SMG1: variants seen among roughly 807,000 people sequenced by gnomAD.
The protein encoded by SMG1 is SMG1 nonsense mediated mRNA decay associated PI3K related kinase.
SMG1 carries 22 observed loss-of-function variants against 419.9 expected under a neutral mutation model. The ratio of observed to expected loss-of-function variants is 0.05; its 90% CI spans 0.04 to 0.07. The LOEUF (loss-of-function observed/expected upper bound fraction) is 0.07, where lower values mean the gene tolerates loss of function less well. Ranked by LOEUF, SMG1 falls within the 10% of genes least tolerant of loss-of-function variation. SMG1 has a pLI of 1.00. For synonymous variants in SMG1, 1,538 were observed against 1,553.5 expected (o/e 0.99, Z 0.23); for missense variants, 3,185 against 4,342.0 (o/e 0.73, Z 7.49).
At chr16:18,819,719 T>C (rs1006123041) in intron 55 of SMG1, 65 bp from the exon 56 acceptor site, 3 of 1,415,544 alleles carry the variant, frequency 2.1e-6, no homozygotes, top group Non-Finnish European at 1.9e-6. Flanking sequence ...TTGTGGAGTA[T>C]TTTATATAAC....
chr16:18,848,123 C>T (rs1350877993), intron 36 of SMG1, 90 bp from the exon 37 acceptor site: 5 of 1,056,338 alleles, frequency 4.7e-6, no homozygotes, highest in Non-Finnish European at 7.0e-6. Context: ...ATCTATTTGA[C>T]TCAAGAGCAC....
At chr16:18,817,165 G>A (rs891108438) in intron 57 of SMG1, 126 bp downstream of exon 57, 15 of 389,464 alleles carry the variant, frequency 3.9e-5, no homozygotes, top group Non-Finnish European at 5.2e-5. Flanking sequence ...CTGTCCCCCC[G>A]CCCCCCTAAC....
At chr16:18,863,086 T>C (rs1012829598) in intron 25 of SMG1, among the ~76,000 whole-genome samples, 1 of 152,244 alleles carries the variant, frequency 6.6e-6, no homozygotes, top group Non-Finnish European at 1.5e-5. Context: ...TGGGTCATAG[T>C]ACATGCTCAG....
At chr16:18,900,765 T>C (rs974179193) in intron 1 of SMG1, among the ~76,000 whole-genome samples, 12 of 152,184 alleles carry the variant, frequency 7.9e-5, no homozygotes, top group African/African-American at 2.7e-4. Flanking sequence ...GTAGCAAAGA[T>C]AGTCTCACTG....
rs563709492 is a variant in SMG1, at chr16:18,866,243, C to T, written c.3350+378G>A. 26 of 260,232 alleles carry T rather than the reference C, an allele frequency of 1.0e-4. No homozygotes were observed. In the East Asian group the frequency reaches 1.6e-3, roughly 16 times the overall value. 16.1% of individuals were successfully genotyped at this position (260,232 alleles called of 1,614,324 possible). On this transcript the variant is annotated intron_variant, in intron 23 of 62. Transcript: ENST00000446231. ...GAATATTATGGTACAAGCTCCTCTA[C>T]CTGGAGGAAGCAATGAGTCTGAATG... is the stretch of plus-strand genomic sequence containing the variant.
rs1413507287 is a variant in SMG1, at chr16:18,849,067, CTCAAAAAA to C, written c.5623+142_5623+149del. Reference sequence around the variant, plus strand: ...CCTGGGTGACAGAGTGAGACTCCATCTCAAAAAAAAAAAAAAAAAAAAAAAAAAAAAAA... The same window carrying C: ...CCTGGGTGACAGAGTGAGACTCCATCAAAAAAAAAAAAAAAAAAAAAAAAA... On this transcript the variant is annotated intron_variant, in intron 36 of 62. Coordinates refer to ENST00000446231, the MANE Select transcript of SMG1 (RefSeq NM_015092.5). 3 of 261,270 alleles carry C rather than the reference CTCAAAAAA, an allele frequency of 1.1e-5. No homozygotes were observed. In the African/African-American group the frequency reaches 2.2e-4, roughly 19 times the overall value. 16.2% of individuals were successfully genotyped at this position (261,270 alleles called of 1,614,324 possible).
intron 1 of SMG1, among the ~76,000 whole-genome samples, chr16:18,912,890 T>C (rs2037844824): frequency 6.6e-6 from 1 of 152,138 alleles, no homozygotes; most frequent in Admixed American, 6.5e-5. Flanking sequence ...GTCCCAGTGC[T>C]GGAAAACCTA....
Position 18,806,410 on chromosome 16 carries a change from C to T in SMG1, c.*3159G>A, listed in dbSNP as rs147547672. 6.5e-6 allele frequency: 1 copy of T among 152,718 alleles called. No homozygotes were observed. The allele number at this position is 152,718 out of a possible 1,614,324, so 9.5% of individuals were successfully genotyped here. ...TCAAGAGCCTGATTATCAGTTCTCA[C>T]ATGGAAATCTCAACAGATTTCAAAA... On this transcript the variant is annotated 3_prime_UTR_variant, in exon 63 of 63. Coordinates refer to ENST00000446231, the MANE Select transcript of SMG1 (RefSeq NM_015092.5).
At chr16:18,841,535 C>T in intron 41 of SMG1, 30 bp downstream of exon 41, 1 of 1,576,420 alleles carries the variant, frequency 6.3e-7, no homozygotes, top group Non-Finnish European at 8.7e-7. Context: ...AGAGAATAGA[C>T]TAATACACTG....
rs1446569823 is a variant in SMG1 at position 18,877,131 on chromosome 16, C to T, written c.1620G>A (p.Glu540=). The T allele has an allele frequency of 6.5e-7, 1 of 1,538,508 alleles. No individual in the cohort carries two copies. Among genetic ancestry groups the T allele is most frequent in the Admixed American group, 1.9e-5 (1 of 53,164 alleles). Residue 540 remains glutamate (E), a splice_region_variant and synonymous_variant, in exon 12 of 63, where the codon GAG becomes GAA. Transcript: ENST00000446231. ...LLFLRYHKEK[E]VVAVAHAVYQ... is the part of the protein sequence containing the mutation. ...AATTCATTATCAATGTATTACTTAC[C>T]TCTTTTTCTTTATGATAACGCAAGA...
intron 32 of SMG1, 38 bp from the exon 33 acceptor site, chr16:18,852,243 C>A (rs750879808): frequency 6.2e-7 from 1 of 1,606,228 alleles, no homozygotes; most frequent in African/African-American, 1.3e-5. Context: ...TTCAGCTACC[C>A]AAACTTTACC....
In SMG1 at chr16:18,841,547, G is replaced by A; in HGVS notation, c.6696+18C>T. On this transcript the variant is annotated intron_variant, in intron 41 of 62. Coordinates refer to ENST00000446231, the MANE Select transcript of SMG1 (RefSeq NM_015092.5). ...AACAGAGAATAGACTAATACACTGTGTAGATGATTTAATCAACCTTTTGTG... is the reference window on the plus strand; with the variant it reads ...AACAGAGAATAGACTAATACACTGTATAGATGATTTAATCAACCTTTTGTG... The A allele has an allele frequency of 3.1e-6, 5 of 1,602,682 alleles. No homozygotes were observed. Among genetic ancestry groups the A allele is most frequent in the Non-Finnish European group, 4.3e-6 (5 of 1,169,708 alleles).
intron 1 of SMG1, among the ~76,000 whole-genome samples, chr16:18,924,221 G>A (rs945430690): frequency 1.3e-5 from 2 of 152,166 alleles, no homozygotes; most frequent in African/African-American, 4.8e-5. Context: ...AAACAACATG[G>A]ATAATATTTA....
intron 10 of SMG1, among the ~76,000 whole-genome samples, chr16:18,881,707 ATTTG>A (rs965292388): frequency 7.2e-5 from 11 of 152,170 alleles, no homozygotes; most frequent in African/African-American, 1.4e-4. Flanking sequence ...CTCATTTTTA[ATTTG>A]TTTATGTTCT....
rs775017628 is a variant in SMG1, at chr16:18,892,265, T to C, written c.502A>G (p.Thr168Ala). ...REDDRDRRLATVKQLKEFIQQ... is the reference protein window; with the variant it reads ...REDDRDRRLAAVKQLKEFIQQ... ...ATAAATTCTTTCAACTGCTTTACAG[T>C]AGCCAATCTTCGGTCTCTGTCGTCT... Residue 168 changes from threonine to alanine, a missense_variant, in exon 4 of 63, where the codon ACT becomes GCT. This residue lies in a region of SMG1 where 20 missense variants were observed against 54.7 expected (regional missense o/e 0.37). Coordinates refer to ENST00000446231, the MANE Select transcript of SMG1 (RefSeq NM_015092.5). 39 of 1,551,202 alleles carry C rather than the reference T, an allele frequency of 2.5e-5. No homozygotes were observed. In the Middle Eastern group the frequency reaches 6.8e-4, roughly 27 times the overall value.
Position 18,863,802 on chromosome 16 carries a change from C to T in SMG1, c.3543G>A (p.Glu1181=), listed in dbSNP as rs2035337589. The stretch of plus-strand genomic sequence containing the variant: ...CTTTATTTCCTAAATAATTTATAAC[C>T]TCAGGGGAAGAGTCAGTCGGTTTGG... The part of the protein sequence containing the change: ...VLSKPTDSSP[E]VINYLGNKAC... The change falls in exon 25 of 63, where the codon GAG becomes GAA. Residue 1181 remains glutamate (E), a synonymous_variant. Transcript: ENST00000446231. 4.4e-6 allele frequency: 7 copies of T among 1,590,096 alleles called. No individual in the cohort carries two copies. In the Admixed American group the frequency reaches 8.4e-5, roughly 19 times the overall value.
At chr16:18,885,309 C>A in intron 7 of SMG1, 147 bp from the exon 8 acceptor site, 1 of 641,642 alleles carries the variant, frequency 1.6e-6, no homozygotes. Context: ...GGGAGAGGGG[C>A]AGGAAAATAA....
chr16:18,892,044 G>T (rs983313162), intron 4 of SMG1, among the ~76,000 whole-genome samples, 174 bp downstream of exon 4: 1 of 152,182 alleles, frequency 6.6e-6, no homozygotes, highest in South Asian at 2.1e-4. Flanking sequence ...TCCAGCCTGG[G>T]CGACAGAGCA....
intron 6 of SMG1, 134 bp from the exon 7 acceptor site, chr16:18,885,800 TAA>T (rs765730977): frequency 3.8e-3 from 2,379 of 622,296 alleles, no homozygotes; most frequent in East Asian, 5.3e-3. Context: ...TAGTTTTAGT[TAA>T]AAAAAAAAAA....
Sources: allele counts gnomAD v4.1 joint callset (sites outside exome capture counted in the v4.1 genomes callset), GRCh38; gene constraint gnomAD v4.1.1; regional missense constraint gnomAD v4.1.1; transcripts MANE v1.5; gene names NCBI Gene and HGNC (gene_info 2026-07-23, HGNC 2026-07-21).